Variants in VPS53 observed in about 807,000 individuals in gnomAD.
VPS53 encodes the protein VPS53 subunit of GARP complex, also known as vacuolar protein sorting-associated protein 53 homolog.
A neutral mutation model predicts 107.0 loss-of-function variants in VPS53; 70 were observed. The observed-to-expected ratio is 0.65, with a 90% CI of 0.54 to 0.80. The LOEUF (loss-of-function observed/expected upper bound fraction) is 0.80. Ranked by LOEUF, VPS53 falls within the 30% of genes least tolerant of loss-of-function variation. VPS53 has a pLI of 0.00. For missense variants in VPS53, 917 were observed against 1,049.4 expected, an observed-to-expected ratio of 0.87 and a Z score of 1.74; for synonymous variants, 409 against 393.3, an observed-to-expected ratio of 1.04 and a Z score of -0.47.
In VPS53 at chr17:684,784, G is replaced by C. The variant is rs138067085; in HGVS notation, c.285+12634C>G. 3.9e-5 allele frequency among the ~76,000 whole-genome samples: 6 copies of C among 151,958 alleles called. No individual in the cohort carries two copies. The South Asian group carries it at 1.0e-3, about 26-fold the overall frequency. On this transcript the variant is annotated intron_variant, in intron 4 of 21. Coordinates refer to ENST00000437048, the MANE Select transcript of VPS53 (RefSeq NM_001128159.3). ...AGTGAATCACCGAGGTCAGGAGTTC[G>C]AGACCAGCCTGGCCAACATAATTAA...
At chr17:577,877 T>G (rs914293976) in intron 13 of VPS53, among the ~76,000 whole-genome samples, 1 of 150,776 alleles carries the variant, frequency 6.6e-6, no homozygotes, top group Non-Finnish European at 1.5e-5. Context: ...CCTCAGGACC[T>G]AATGTGGTCC....
At chr17:564,048 G>A (rs1165059786) in intron 13 of VPS53, among the ~76,000 whole-genome samples, 4 of 152,250 alleles carry the variant, frequency 2.6e-5, no homozygotes, top group South Asian at 2.1e-4. Flanking sequence ...ACAGGAGTTC[G>A]AGACCAGCCT....
chr17:563,802 G>C (rs1216729707), intron 13 of VPS53, among the ~76,000 whole-genome samples: 1 of 152,200 alleles, frequency 6.6e-6, no homozygotes, highest in Admixed American at 6.5e-5. Flanking sequence ...TATGATGTCA[G>C]CACATATTTA....
rs1567687563 is a variant in VPS53 at position 627,224 on chromosome 17, A to T, written c.924T>A (p.Arg308=). 6.2e-7 allele frequency: 1 copy of T among 1,614,136 alleles called. No individual in the cohort carries two copies. The highest frequency in any genetic ancestry group is 1.1e-5 in the South Asian group (1 of 91,064). ...YEEKYGRMFP[R]EWCMAERIAV... ...CAATCCTCTCAGCCATGCACCACTCACGTGGAAACATGCGGCCGTATTTCT... is the reference window on the plus strand; with the variant it reads ...CAATCCTCTCAGCCATGCACCACTCTCGTGGAAACATGCGGCCGTATTTCT... Residue 308 remains arginine (R), a synonymous_variant, in exon 10 of 22, where the codon CGT becomes CGA. Transcript: ENST00000437048.
chr17:629,676 T>C (rs1193325318), intron 8 of VPS53, among the ~76,000 whole-genome samples: 4 of 151,044 alleles, frequency 2.6e-5, no homozygotes, highest in African/African-American at 9.7e-5. Context: ...GGCAAGAGAA[T>C]GGCATGAACT....
intron 3 of VPS53, 130 bp from the exon 4 acceptor site, chr17:697,614 A>C: frequency 8.3e-6 from 6 of 719,720 alleles, no homozygotes; most frequent in South Asian, 1.7e-5. Flanking sequence ...AAAACCAAAC[A>C]TGTGTGAGTG....
At chr17:657,605 T>C in intron 5 of VPS53, 4 of 716,626 alleles carry the variant, frequency 5.6e-6, no homozygotes, top group Non-Finnish European at 9.8e-6. Flanking sequence ...AGCGAAAGTT[T>C]CTTAATAGCA....
rs79435741 is a variant in VPS53, at chr17:553,188, C to A, written c.1787+192G>T. 399 of 208,936 alleles carry A rather than the reference C, an allele frequency of 1.9e-3. 3 individuals carry two copies. The highest frequency in any genetic ancestry group is 0.014 in the Admixed American group (131 of 9,310). 12.9% of individuals were successfully genotyped at this position (208,936 alleles called of 1,614,324 possible). A position where few individuals can be genotyped will look rare whatever the true frequency, so the allele number is the denominator to read the frequency against. On this transcript the variant is annotated intron_variant, in intron 16 of 21. Coordinates refer to ENST00000437048, the MANE Select transcript of VPS53 (RefSeq NM_001128159.3). Reference sequence around the variant, plus strand: ...CAAGCGTGTACAAGGTATATACGTGCCGCACGCTGCTGTGTAGTGGAGAAA... The same window carrying A: ...CAAGCGTGTACAAGGTATATACGTGACGCACGCTGCTGTGTAGTGGAGAAA...
Position 632,606 on chromosome 17 carries a change from G to A in VPS53, c.609-978C>T, listed in dbSNP as rs180999309. The A allele has an allele frequency of 7.4e-4, 302 of 405,954 alleles. 1 individual carries two copies. Among genetic ancestry groups the A allele is most frequent in the African/African-American group, 5.8e-3 (282 of 48,474 alleles). 25.1% of individuals were successfully genotyped at this position (405,954 alleles called of 1,614,324 possible). On this transcript the variant is annotated intron_variant, in intron 7 of 21. Coordinates refer to ENST00000437048, the MANE Select transcript of VPS53 (RefSeq NM_001128159.3). ...CTATTGTTCTACCAAATACTAGATCGTATCATTCTAACTGTATTTTTGTGC... is the reference window on the plus strand; with the variant it reads ...CTATTGTTCTACCAAATACTAGATCATATCATTCTAACTGTATTTTTGTGC...
intron 5 of VPS53, among the ~76,000 whole-genome samples, chr17:660,038 T>G (rs931171824): frequency 6.6e-6 from 1 of 152,156 alleles, no homozygotes; most frequent in African/African-American, 2.4e-5. Context: ...TCAACTGACT[T>G]ACACGAGACC....
At chr17:694,101 T>A (rs1972865283) in intron 4 of VPS53, among the ~76,000 whole-genome samples, 3 of 152,344 alleles carry the variant, frequency 2.0e-5, no homozygotes, top group Admixed American at 2.0e-4. Flanking sequence ...GTACTTCAGT[T>A]TGCATTACAA....
intron 9 of VPS53, 134 bp downstream of exon 9, chr17:627,954 C>A (rs568760986): frequency 1.2e-6 from 1 of 864,550 alleles, no homozygotes; most frequent in African/African-American, 1.7e-5. Context: ...AAACTCAGCC[C>A]CTAGGACTCA....
At chr17:699,989 T>C (rs1973133770) in intron 2 of VPS53, among the ~76,000 whole-genome samples, 2 of 152,206 alleles carry the variant, frequency 1.3e-5, no homozygotes, top group South Asian at 4.2e-4. Context: ...TTTTAAATGT[T>C]TTATTTCTTG....
At chr17:577,495 C>T (rs774091355) in intron 13 of VPS53, among the ~76,000 whole-genome samples, 10 of 151,476 alleles carry the variant, frequency 6.6e-5, no homozygotes, top group Non-Finnish European at 1.0e-4. Context: ...GGACCTAATG[C>T]GGTCCCAGAG....
At chr17:651,273 T>C (rs16954209) in intron 7 of VPS53, among the ~76,000 whole-genome samples, 2,367 of 152,358 alleles carry the variant, frequency 0.016, 24 homozygotes, top group Middle Eastern at 0.031. Context: ...TTCTGAAGTC[T>C]AGGTAAAGGG....
At chr17:573,912 C>T (rs1914393045) in intron 13 of VPS53, among the ~76,000 whole-genome samples, 1 of 152,194 alleles carries the variant, frequency 6.6e-6, no homozygotes, top group Admixed American at 6.5e-5. Context: ...GTTCCTTCTC[C>T]AGCCTCAGGA....
chr17:554,191 C>T (rs1368908530), intron 15 of VPS53, among the ~76,000 whole-genome samples: 1 of 152,158 alleles, frequency 6.6e-6, no homozygotes, highest in African/African-American at 2.4e-5. Flanking sequence ...ACGGGCCAAG[C>T]ACCTCATTAA....
chr17:608,570 G>C (rs1264298421), intron 11 of VPS53, among the ~76,000 whole-genome samples: 1 of 149,490 alleles, frequency 6.7e-6, no homozygotes, highest in East Asian at 1.9e-4. Context: ...TTCTATTTGA[G>C]TTTTTAATAG....
At chr17:525,082 A>G (rs942837214) in intron 19 of VPS53, among the ~76,000 whole-genome samples, 13 of 152,248 alleles carry the variant, frequency 8.5e-5, no homozygotes, top group African/African-American at 3.1e-4. Flanking sequence ...GTGCAATGGA[A>G]TATGCTGCTG....
Sources: gnomAD v4.1 joint callset for allele counts (sites outside exome capture counted in the v4.1 genomes callset) on GRCh38, gnomAD v4.1.1 for gene constraint, MANE v1.5 for transcripts, NCBI Gene and HGNC (gene_info 2026-07-23, HGNC 2026-07-21) for gene names.